SGCZ: variants seen among roughly 807,000 people sequenced by gnomAD.
The protein encoded by SGCZ is sarcoglycan zeta.
In SGCZ, 40 loss-of-function variants were observed where a neutral mutation model predicts 41.3. The ratio of observed to expected loss-of-function variants is 0.97; its 90% CI spans 0.75 to 1.26. SGCZ has a LOEUF of 1.26. SGCZ is among the 50% of genes most tolerant of loss of function. SGCZ has a pLI of 0.00. For synonymous variants in SGCZ, 206 were observed against 137.5 expected (o/e 1.50, Z -3.49); for missense variants, 552 against 369.8 (o/e 1.49, Z -4.04).
intron 1 of SGCZ, among the ~76,000 whole-genome samples, chr8:15,136,853 T>C (rs1478664700): frequency 5.3e-5 from 8 of 152,150 alleles, no homozygotes; most frequent in Admixed American, 1.3e-4. Flanking sequence ...AAATTGGTAC[T>C]GGTAGAGTGA....
chr8:14,256,530 T>C (rs931567127), intron 3 of SGCZ, among the ~76,000 whole-genome samples: 1 of 150,062 alleles, frequency 6.7e-6, no homozygotes, highest in Non-Finnish European at 1.5e-5. Flanking sequence ...TAAATCCTAC[T>C]ATGAGTTTTT....
At chr8:15,176,599 T>C (rs1800007185) in intron 1 of SGCZ, among the ~76,000 whole-genome samples, 1 of 152,238 alleles carries the variant, frequency 6.6e-6, no homozygotes, top group Non-Finnish European at 1.5e-5. Flanking sequence ...AAACTCACCT[T>C]ACTGAACAAT....
chr8:14,636,653 C>T (rs552846034), intron 1 of SGCZ, among the ~76,000 whole-genome samples: 10 of 151,794 alleles, frequency 6.6e-5, no homozygotes, highest in East Asian at 5.9e-4. Flanking sequence ...GTCTACTTGA[C>T]GGCTGATGCA....
intron 1 of SGCZ, among the ~76,000 whole-genome samples, chr8:14,718,343 T>C (rs1309324574): frequency 1.3e-5 from 2 of 151,946 alleles, no homozygotes; most frequent in African/African-American, 2.4e-5. Flanking sequence ...AAAATTATTA[T>C]GCTCAGGAAA....
At position 14,281,804 on chromosome 8, in the gene SGCZ, A is replaced by C. The variant is rs991085070; in HGVS notation, c.336+42299T>G. Among the ~76,000 whole-genome samples the C allele has an allele frequency of 2.0e-5, 3 of 152,220 alleles. No homozygotes were observed. The South Asian group carries it at 6.2e-4, about 32-fold the overall frequency. Reference sequence around the variant, plus strand: ...AATAAATATAAGTACACTTCTAAGAAATATGTGTATGTATATCTGGGTGTC... The same window carrying C: ...AATAAATATAAGTACACTTCTAAGACATATGTGTATGTATATCTGGGTGTC... On this transcript the variant is annotated intron_variant, in intron 3 of 7. Transcript: ENST00000382080.
chr8:14,124,286 CCTCT>C (rs144892090), intron 5 of SGCZ, among the ~76,000 whole-genome samples: 2 of 151,796 alleles, frequency 1.3e-5, no homozygotes, highest in African/African-American at 4.8e-5. Flanking sequence ...CCCTCTTTCT[CCTCT>C]CTCTCTCTCC....
At chr8:14,577,814 A>G (rs1804761400) in intron 1 of SGCZ, among the ~76,000 whole-genome samples, 1 of 152,224 alleles carries the variant, frequency 6.6e-6, no homozygotes, top group African/African-American at 2.4e-5. Flanking sequence ...ATTGTAATCA[A>G]TCAGGCCATG....
chr8:14,395,021 G>C (rs982332624), intron 2 of SGCZ, among the ~76,000 whole-genome samples: 2 of 152,122 alleles, frequency 1.3e-5, no homozygotes, highest in African/African-American at 4.8e-5. Context: ...TAAAACTGAT[G>C]TAGTGATAAT....
At chr8:15,123,567 C>G (rs1488261655) in intron 1 of SGCZ, among the ~76,000 whole-genome samples, 1 of 152,114 alleles carries the variant, frequency 6.6e-6, no homozygotes, top group African/African-American at 2.4e-5. Flanking sequence ...ACGATTTGAT[C>G]AAGCCTTTTC....
At chr8:15,090,757 T>A (rs1311594320) in intron 1 of SGCZ, among the ~76,000 whole-genome samples, 1 of 152,176 alleles carries the variant, frequency 6.6e-6, no homozygotes, top group Non-Finnish European at 1.5e-5. Flanking sequence ...AGTTTGGGAC[T>A]AATCTCACCA....
intron 1 of SGCZ, among the ~76,000 whole-genome samples, chr8:14,910,712 T>A (rs976431013): frequency 6.6e-6 from 1 of 151,878 alleles, no homozygotes; most frequent in Non-Finnish European, 1.5e-5. Flanking sequence ...GCCCAAAATT[T>A]CTTCAAATTT....
chr8:14,652,363 G>GGGGGA (rs1807433854), intron 1 of SGCZ, among the ~76,000 whole-genome samples: 1 of 101,734 alleles, frequency 9.8e-6, no homozygotes, highest in African/African-American at 3.6e-5. Context: ...GGTGTGGGGG[G>GGGGGA]GAGAAAACAC....
intron 3 of SGCZ, among the ~76,000 whole-genome samples, chr8:14,267,532 C>G (rs1189456869): frequency 2.0e-5 from 3 of 151,994 alleles, no homozygotes; most frequent in Admixed American, 1.3e-4. Flanking sequence ...TAGTGCTTGT[C>G]CATTCTGGTA....
intron 1 of SGCZ, among the ~76,000 whole-genome samples, chr8:14,945,368 T>C (rs1800408036): frequency 6.6e-6 from 1 of 152,142 alleles, no homozygotes; most frequent in Admixed American, 6.5e-5. Context: ...TTGTGTGAGA[T>C]CTATGGTAGA....
chr8:14,767,616 C>G (rs1373277902), intron 1 of SGCZ, among the ~76,000 whole-genome samples: 1 of 152,112 alleles, frequency 6.6e-6, no homozygotes, highest in South Asian at 2.1e-4. Flanking sequence ...TTTGGTGAAC[C>G]ATTCTCTTTA....
intron 1 of SGCZ, among the ~76,000 whole-genome samples, chr8:14,871,837 TATGTATGTATATATATGC>T (rs1265665532): frequency 1.5e-4 from 23 of 150,980 alleles, no homozygotes; most frequent in Admixed American, 1.3e-4. Context: ...TATATATATA[TATGTATGTATATATATGC>T]ATGTATGTAT....
chr8:14,797,835 G>A (rs142909809), intron 1 of SGCZ, among the ~76,000 whole-genome samples: 1 of 152,182 alleles, frequency 6.6e-6, no homozygotes, highest in African/African-American at 2.4e-5. Context: ...ATGGCTTAAA[G>A]GGGCCAAGGT....
chr8:14,174,738 G>A (rs1478641412), intron 4 of SGCZ, among the ~76,000 whole-genome samples: 2 of 152,126 alleles, frequency 1.3e-5, no homozygotes, highest in Non-Finnish European at 2.9e-5. Flanking sequence ...CAGGGCTGCT[G>A]TAATAAAGAC....
At chr8:14,564,789 T>A (rs1804309283) in intron 1 of SGCZ, among the ~76,000 whole-genome samples, 1 of 152,026 alleles carries the variant, frequency 6.6e-6, no homozygotes, top group Non-Finnish European at 1.5e-5. Flanking sequence ...ACAAAATGAG[T>A]CTCTAAACAG....
Sources: allele counts gnomAD v4.1 joint callset (sites outside exome capture counted in the v4.1 genomes callset), GRCh38; gene constraint gnomAD v4.1.1; transcripts MANE v1.5; gene names NCBI Gene and HGNC (gene_info 2026-07-23, HGNC 2026-07-21).